CA10: variants seen among roughly 807,000 people sequenced by gnomAD.
The protein encoded by CA10 is carbonic anhydrase-related protein 10.
CA10 carries 14 observed loss-of-function variants against 44.2 expected under a neutral mutation model. That is an observed-to-expected ratio of 0.32 (90% CI 0.21 to 0.50). The LOEUF is 0.50. Ranked by LOEUF, CA10 falls within the 20% of genes least tolerant of loss-of-function variation. The pLI is 0.99. For missense variants in CA10, 350 were observed against 409.7 expected, an observed-to-expected ratio of 0.85 and a Z score of 1.26; for synonymous variants, 159 against 141.6, an observed-to-expected ratio of 1.12 and a Z score of -0.87.
intron 3 of CA10, among the ~76,000 whole-genome samples, chr17:51,771,676 A>G (rs143689256): frequency 1.8e-3 from 279 of 152,278 alleles, no homozygotes; most frequent in African/African-American, 6.5e-3. Context: ...GAGAAAGTGA[A>G]TGTTAGCCAG....
intron 4 of CA10, among the ~76,000 whole-genome samples, chr17:51,727,163 T>C (rs745307552): frequency 1.2e-4 from 18 of 152,334 alleles, no homozygotes; most frequent in Admixed American, 2.6e-4. Context: ...AGCAATGGAC[T>C]ATCTCCTACC....
At chr17:52,128,134 C>A (rs919205015) in intron 1 of CA10, among the ~76,000 whole-genome samples, 4 of 152,198 alleles carry the variant, frequency 2.6e-5, no homozygotes, top group African/African-American at 9.7e-5. Flanking sequence ...GGGCTATGAG[C>A]CACTGGGCTC....
chr17:51,673,344 T>C (rs1197171817), intron 4 of CA10, among the ~76,000 whole-genome samples: 1 of 152,206 alleles, frequency 6.6e-6, no homozygotes, highest in Non-Finnish European at 1.5e-5. Context: ...TTATGAGCAC[T>C]CAGTGGGAAT....
intron 2 of CA10, among the ~76,000 whole-genome samples, chr17:51,953,091 C>T (rs534528087): frequency 1.3e-5 from 2 of 152,230 alleles, no homozygotes; most frequent in South Asian, 2.1e-4. Flanking sequence ...AAACTTTCCT[C>T]GTTTAAATCA....
At position 52,151,813 on chromosome 17, in the gene CA10, G is replaced by A. The variant is rs372628412; in HGVS notation, c.61+5913C>T. On this transcript the variant is annotated intron_variant, in intron 1 of 8. Coordinates refer to ENST00000451037, the MANE Select transcript of CA10 (RefSeq NM_020178.5). ...TCTATACCTCACATTTTACAGATGAGGAGTTAAGGCACACAGAACTTAAAT... is the reference window on the plus strand; with the variant it reads ...TCTATACCTCACATTTTACAGATGAAGAGTTAAGGCACACAGAACTTAAAT... 1.4e-4 allele frequency among the ~76,000 whole-genome samples: 21 copies of A among 152,152 alleles called. 2 individuals carry two copies. The highest frequency in any genetic ancestry group is 4.8e-4 in the African/African-American group (20 of 41,510).
chr17:51,824,664 C>T (rs1425422852), intron 3 of CA10, among the ~76,000 whole-genome samples: 1 of 152,198 alleles, frequency 6.6e-6, no homozygotes, highest in Non-Finnish European at 1.5e-5. Context: ...CACCCTGACC[C>T]CAGCCCTGCA....
chr17:51,699,880 C>T lies in CA10; in HGVS notation c.466-46144G>A, dbSNP rs144203165. On this transcript the variant is annotated intron_variant, in intron 4 of 8. Coordinates refer to ENST00000451037, the MANE Select transcript of CA10 (RefSeq NM_020178.5). The stretch of plus-strand genomic sequence containing the variant: ...TTGTAGGATAAAGAGAGAGAGGTGA[C>T]TGCTATTAGTATTAATTATGATCTC... Among the ~76,000 whole-genome samples, 379 of 152,264 alleles carry T rather than the reference C, an allele frequency of 2.5e-3. 2 individuals carry two copies. Among genetic ancestry groups the T allele is most frequent in the African/African-American group, 7.5e-3 (313 of 41,550 alleles).
intron 2 of CA10, among the ~76,000 whole-genome samples, chr17:51,998,148 C>A (rs1326666054): frequency 6.6e-6 from 1 of 152,074 alleles, no homozygotes; most frequent in Non-Finnish European, 1.5e-5. Flanking sequence ...TAGGTGGGGA[C>A]CCAGGTCAAA....
chr17:51,875,802 TTTAAC>T (rs1323076929), intron 3 of CA10, among the ~76,000 whole-genome samples: 1 of 152,168 alleles, frequency 6.6e-6, no homozygotes, highest in Non-Finnish European at 1.5e-5. Context: ...AGCAGTTTCT[TTTAAC>T]TTAACTCCCC....
intron 3 of CA10, among the ~76,000 whole-genome samples, chr17:51,866,718 T>C (rs1292444100): frequency 6.6e-6 from 1 of 152,214 alleles, no homozygotes; most frequent in Non-Finnish European, 1.5e-5. Flanking sequence ...TTTAGGGTGG[T>C]TGGCTAGTCA....
intron 2 of CA10, among the ~76,000 whole-genome samples, chr17:52,040,157 T>TC (rs1316167319): frequency 6.6e-6 from 1 of 151,050 alleles, no homozygotes; most frequent in Admixed American, 6.6e-5. Flanking sequence ...TTTTTTTTTT[T>TC]TTGGAGTCAT....
At chr17:51,782,872 G>A (rs1346409717) in intron 3 of CA10, among the ~76,000 whole-genome samples, 5 of 152,164 alleles carry the variant, frequency 3.3e-5, no homozygotes, top group African/African-American at 4.8e-5. Context: ...TAGCAGTGAC[G>A]TATCAGTGTC....
chr17:51,688,752 C>T (rs1915090173), intron 4 of CA10, among the ~76,000 whole-genome samples: 1 of 152,100 alleles, frequency 6.6e-6, no homozygotes, highest in Non-Finnish European at 1.5e-5. Flanking sequence ...CTTTGATGCC[C>T]TTCTTGACCT....
rs532053582 is a variant in CA10 at position 51,837,721 on chromosome 17, T to A, written c.280-89903A>T. Among the ~76,000 whole-genome samples, 6 of 152,334 alleles carry A rather than the reference T, an allele frequency of 3.9e-5. No individual in the cohort carries two copies. The South Asian group carries it at 1.2e-3, about 32-fold the overall frequency. ...TTTATATATGCCAAGTATACCTATA[T>A]GAGGGATTATTATAGTTATTTGTCA... On this transcript the variant is annotated intron_variant, in intron 3 of 8. Transcript: ENST00000451037.
At chr17:52,156,472 G>A (rs1277707928) in intron 1 of CA10, among the ~76,000 whole-genome samples, 3 of 152,120 alleles carry the variant, frequency 2.0e-5, no homozygotes, top group Non-Finnish European at 2.9e-5. Flanking sequence ...GAATGATTTC[G>A]GATAAGAGTC....
At chr17:51,803,963 G>A (rs200287914) in intron 3 of CA10, among the ~76,000 whole-genome samples, 90 of 152,260 alleles carry the variant, frequency 5.9e-4, no homozygotes, top group Non-Finnish European at 1.1e-3. Context: ...TTGGTTCATG[G>A]TATGACTTGG....
intron 3 of CA10, among the ~76,000 whole-genome samples, chr17:51,828,383 A>G (rs972863874): frequency 7.9e-5 from 12 of 152,166 alleles, no homozygotes; most frequent in African/African-American, 2.7e-4. Flanking sequence ...AACTGTATGC[A>G]AGCATTTGTT....
At chr17:52,049,283 G>A (rs1784157634) in intron 2 of CA10, among the ~76,000 whole-genome samples, 1 of 152,058 alleles carries the variant, frequency 6.6e-6, no homozygotes, top group African/African-American at 2.4e-5. Context: ...TGGACTGCCT[G>A]GGTTTGAGTC....
intron 4 of CA10, among the ~76,000 whole-genome samples, chr17:51,715,803 G>T (rs897515681): frequency 2.6e-5 from 4 of 152,102 alleles, no homozygotes; most frequent in African/African-American, 9.6e-5. Flanking sequence ...CAATTCTCCT[G>T]CCACAGCCTC....
Sources: gnomAD v4.1 joint callset for allele counts (sites outside exome capture counted in the v4.1 genomes callset) on GRCh38, gnomAD v4.1.1 for gene constraint, MANE v1.5 for transcripts, NCBI Gene and HGNC (gene_info 2026-07-23, HGNC 2026-07-21) for gene names.